PARVB: variants seen among roughly 807,000 people sequenced by gnomAD.
PARVB encodes the protein parvin beta, also known as beta-parvin.
PARVB carries 46 observed loss-of-function variants against 47.0 expected under a neutral mutation model. The observed-to-expected ratio is 0.98, with a 90% confidence interval of 0.77 to 1.25. The LOEUF (loss-of-function observed/expected upper bound fraction) is 1.25, where lower values mean the gene tolerates loss of function less well. Among genes scored for constraint, PARVB ranks in the 50% most tolerant of loss-of-function variants. The probability of loss-of-function intolerance (pLI) is 0.00; values close to 1 mark genes in which losing one functional copy is unlikely to be tolerated. For missense variants in PARVB, 473 were observed against 471.6 expected, an observed-to-expected ratio of 1.00 and a Z score of -0.03; for synonymous variants, 196 against 196.3, an observed-to-expected ratio of 1.00 and a Z score of 0.01.
intron 1 of PARVB, among the ~76,000 whole-genome samples, chr22:44,042,839 T>A (rs1369434517): frequency 6.6e-6 from 1 of 152,206 alleles, no homozygotes; most frequent in East Asian, 1.9e-4. Flanking sequence ...CAGCTCTTAA[T>A]TTTCTTGTGT....
At chr22:44,016,230 G>C (rs573543438) in intron 2 of PARVB, among the ~76,000 whole-genome samples, 2 of 151,780 alleles carry the variant, frequency 1.3e-5, no homozygotes, top group Non-Finnish European at 2.9e-5. Context: ...CCGAGTAGCT[G>C]GGACTACAGG....
At chr22:44,069,141 GC>G in intron 1 of PARVB, 1 of 1,612,534 alleles carries the variant, frequency 6.2e-7, no homozygotes, top group Non-Finnish European at 8.5e-7. Context: ...CAGAGCTGCC[GC>G]CAGCTGCACC....
chr22:44,118,694 C>T (rs572333314), intron 3 of PARVB, among the ~76,000 whole-genome samples: 1 of 152,292 alleles, frequency 6.6e-6, no homozygotes, highest in East Asian at 1.9e-4. Flanking sequence ...TGTCCCTGTG[C>T]TAGCTCTGGA....
At position 44,147,961 on chromosome 22, in the gene PARVB, G is replaced by C. The variant is rs757590707; in HGVS notation, c.774+39G>C. ...GGGATGTTGGATGTGCTCTCCCCTGGCTCGCGGCTTTTTGACAGCACAAAC... is the reference window on the plus strand; with the variant it reads ...GGGATGTTGGATGTGCTCTCCCCTGCCTCGCGGCTTTTTGACAGCACAAAC... On this transcript the variant is annotated intron_variant, in intron 9 of 12. Transcript: ENST00000338758. 4 of 1,566,886 alleles carry C rather than the reference G, an allele frequency of 2.6e-6. No individual in the cohort carries two copies. In the African/African-American group the frequency reaches 5.4e-5, roughly 21 times the overall value.
chr22:44,058,757 G>T (rs2051362945), intron 1 of PARVB, among the ~76,000 whole-genome samples: 1 of 151,892 alleles, frequency 6.6e-6, no homozygotes, highest in African/African-American at 2.4e-5. Flanking sequence ...GTTTCACTCT[G>T]TTGCGCAGGG....
In PARVB at chr22:44,068,627, G is replaced by A. The variant is rs1017142203; in HGVS notation, c.113-25301G>A. Among the ~76,000 whole-genome samples the A allele has an allele frequency of 2.6e-5, 4 of 152,202 alleles. 1 individual carries two copies. The highest frequency in any genetic ancestry group is 4.1e-4 in the South Asian group (2 of 4,834). Reference sequence around the variant, plus strand: ...AGCATTTGGTCCTCCTGACGTAGTCGGCACACGGGAGATGCAGCTGGGGTG... The same window carrying A: ...AGCATTTGGTCCTCCTGACGTAGTCAGCACACGGGAGATGCAGCTGGGGTG... On this transcript the variant is annotated intron_variant, in intron 1 of 12. Transcript: ENST00000338758. The surrounding 1 kb of genome is among the most constrained non-coding windows in gnomAD (Gnocchi z 4.1).
intron 3 of PARVB, chr22:44,110,112 C>CAAA (rs59049954): frequency 2.3e-4 from 18 of 76,736 alleles, no homozygotes; most frequent in Non-Finnish European, 4.1e-4. Flanking sequence ...GACTCCGTCT[C>CAAA]AAAAAAAAAA....
intron 1 of PARVB, among the ~76,000 whole-genome samples, chr22:44,051,123 A>G (rs1178717571): frequency 1.3e-5 from 2 of 152,168 alleles, no homozygotes; most frequent in African/African-American, 2.4e-5. Flanking sequence ...AGAAGCAGAG[A>G]TCTCCCGTGA....
chr22:44,054,002 T>C (rs904604844), intron 1 of PARVB, among the ~76,000 whole-genome samples: 2 of 152,144 alleles, frequency 1.3e-5, no homozygotes, highest in Admixed American at 6.5e-5. Flanking sequence ...TTGACAGCCA[T>C]GTAGAAATAG....
At chr22:44,058,286 G>A (rs2284153) in intron 1 of PARVB, among the ~76,000 whole-genome samples, 39,536 of 151,772 alleles carry the variant, frequency 0.26, 5,289 homozygotes, top group South Asian at 0.28. Context: ...TTCTGGGGAC[G>A]GTGGGCAGTC....
At chr22:44,081,530 A>G in intron 1 of PARVB, 2 of 839,448 alleles carry the variant, frequency 2.4e-6, no homozygotes, top group Middle Eastern at 6.2e-4. Flanking sequence ...GTTACCAGTC[A>G]CATTAATTAA....
At chr22:44,024,723 C>A (rs1202083950) in intron 1 of PARVB, among the ~76,000 whole-genome samples, 6 of 152,108 alleles carry the variant, frequency 3.9e-5, no homozygotes, top group Non-Finnish European at 8.8e-5. Context: ...CGTGCGGGGC[C>A]CGCGCCTGCT....
intron 2 of PARVB, among the ~76,000 whole-genome samples, chr22:44,004,256 G>A (rs763041342): frequency 6.6e-6 from 1 of 152,238 alleles, no homozygotes; most frequent in Non-Finnish European, 1.5e-5. Flanking sequence ...GGCAGGAGCA[G>A]GCGCTCCAGG....
At position 44,027,964 on chromosome 22, in the gene PARVB, CAT is replaced by C. The variant is rs771492861; in HGVS notation, c.112+3522_112+3523del. ...ATTCATGTGTGTGTATATATATTCA[CAT>C]ATATATATTGACGTATATTTTTAAA... is the stretch of plus-strand genomic sequence containing the variant. On this transcript the variant is annotated intron_variant, in intron 1 of 12. Coordinates refer to ENST00000338758, the MANE Select transcript of PARVB (RefSeq NM_013327.5). Among the ~76,000 whole-genome samples the C allele has an allele frequency of 7.5e-5, 11 of 146,540 alleles. No homozygotes were observed. The South Asian group carries it at 1.1e-3, about 15-fold the overall frequency.
chr22:44,098,711 T>C (rs912375073), intron 2 of PARVB, among the ~76,000 whole-genome samples: 6 of 152,166 alleles, frequency 3.9e-5, no homozygotes, highest in Non-Finnish European at 7.3e-5. Flanking sequence ...GACTTCAAAA[T>C]TAGTTTCTCC....
At chr22:44,094,353 TGCCAC>T (rs146946399) in intron 2 of PARVB, among the ~76,000 whole-genome samples, 18 of 150,142 alleles carry the variant, frequency 1.2e-4, no homozygotes, top group East Asian at 3.9e-4. Context: ...GGCCATGCCA[TGCCAC>T]GCCATGCCAC....
chr22:44,096,989 T>C (rs11703521), intron 2 of PARVB, among the ~76,000 whole-genome samples: 15,756 of 152,032 alleles, frequency 0.1, 855 homozygotes, highest in Middle Eastern at 0.18. Flanking sequence ...ACCCCCTGGA[T>C]GGAGCAGCGC....
At chr22:44,106,288 G>A (rs1362692814) in intron 3 of PARVB, 2 of 152,064 alleles carry the variant, frequency 1.3e-5, no homozygotes, top group Non-Finnish European at 2.9e-5. Context: ...GGGAGGAGAT[G>A]GACAGTCCGG....
At chr22:44,018,644 C>G (rs1279176538) in intron 2 of PARVB, among the ~76,000 whole-genome samples, 1 of 152,134 alleles carries the variant, frequency 6.6e-6, no homozygotes, top group East Asian at 1.9e-4. Context: ...CCCCTTTTGT[C>G]GAATTGGTCT....
Sources: gnomAD v4.1 joint callset for allele counts (sites outside exome capture counted in the v4.1 genomes callset) on GRCh38, gnomAD v4.1.1 for gene constraint, Gnocchi (gnomAD v3.1) non-coding constraint, MANE v1.5 for transcripts, NCBI Gene and HGNC (gene_info 2026-07-23, HGNC 2026-07-21) for gene names.